ITPR2: variants seen among roughly 807,000 people sequenced by gnomAD.
The protein encoded by ITPR2 is inositol 1,4,5-trisphosphate receptor type 2, also known as inositol 1,4,5-trisphosphate-gated calcium channel ITPR2.
Under a neutral mutation model 317.1 loss-of-function variants are expected in ITPR2, and 207 were observed. That is an observed-to-expected ratio of 0.65 (90% CI 0.58 to 0.73). The LOEUF is 0.73. ITPR2 is among the 30% of genes least tolerant of loss of function. ITPR2 has a pLI of 0.00. For missense variants in ITPR2, 2,613 were observed against 3,284.0 expected, an observed-to-expected ratio of 0.80 and a Z score of 4.99; for synonymous variants, 1,156 against 1,149.1, an observed-to-expected ratio of 1.01 and a Z score of -0.12.
intron 1 of ITPR2, among the ~76,000 whole-genome samples, chr12:26,796,564 G>A (rs541174170): frequency 1.7e-4 from 26 of 152,132 alleles, no homozygotes; most frequent in Admixed American, 1.6e-3. Flanking sequence ...AGTTGAACAC[G>A]GGCATGCCCT....
At chr12:26,445,744 G>A (rs2136745820) in intron 45 of ITPR2, among the ~76,000 whole-genome samples, 1 of 152,240 alleles carries the variant, frequency 6.6e-6, no homozygotes. Flanking sequence ...AAAAGAATGG[G>A]AGGTGAGGAA....
chr12:26,801,194 C>G (rs1276597891), intron 1 of ITPR2: 1 of 157,472 alleles, frequency 6.4e-6, no homozygotes, highest in Non-Finnish European at 1.4e-5. Context: ...CTGACCAAGG[C>G]ATGGACGTGG....
At chr12:26,460,234 C>A (rs1265946334) in intron 45 of ITPR2, among the ~76,000 whole-genome samples, 2 of 152,190 alleles carry the variant, frequency 1.3e-5, no homozygotes, top group Admixed American at 1.3e-4. Flanking sequence ...GGCACCCTAG[C>A]TATTCTGGCC....
chr12:26,476,944 T>C lies in ITPR2; in HGVS notation c.6187A>G (p.Arg2063Gly), dbSNP rs1193865844. ...ESRHDSENAE[R>G]ILFNMRPREL... is the part of the protein sequence containing the mutation. ...CTGGGTCTCATGTTAAAAAGAATTC[T>C]TTCTGCATTCTCACTGTCATGTCTG... The change falls in exon 44 of 57, where the codon AGA (arginine) becomes GGA (glycine). Residue 2063 changes from arginine to glycine, a missense_variant. Physicochemically the swap from Arg to Gly is moderately radical, Grantham distance 125 (BLOSUM62 -2). This residue lies in a region of ITPR2 where 926 missense variants were observed against 1,072.8 expected (regional missense o/e 0.86). Coordinates refer to ENST00000381340, the MANE Select transcript of ITPR2 (RefSeq NM_002223.4). The C allele has an allele frequency of 6.2e-7, 1 of 1,613,376 alleles. No homozygotes were observed. The highest frequency in any genetic ancestry group is 2.2e-5 in the East Asian group (1 of 44,846).
In ITPR2 at chr12:26,826,091, C is replaced by T. The variant is rs1434520958; in HGVS notation, c.92+6599G>A. On this transcript the variant is annotated intron_variant, in intron 1 of 56. Coordinates refer to ENST00000381340, the MANE Select transcript of ITPR2 (RefSeq NM_002223.4). ...AACCATTCCAAGCTTCATGTACAAA[C>T]TCCCCACTGATCAAAAAGTCCTATT... is the stretch of plus-strand genomic sequence containing the variant. Among the ~76,000 whole-genome samples the T allele has an allele frequency of 2.0e-5, 3 of 152,084 alleles. 1 individual carries two copies. The highest frequency in any genetic ancestry group is 7.2e-5 in the African/African-American group (3 of 41,422).
intron 50 of ITPR2, among the ~76,000 whole-genome samples, chr12:26,417,438 G>C (rs1940754796): frequency 6.6e-6 from 1 of 152,176 alleles, no homozygotes; most frequent in African/African-American, 2.4e-5. Flanking sequence ...TGTGTCAAGG[G>C]AAGGACCTGG....
intron 32 of ITPR2, among the ~76,000 whole-genome samples, chr12:26,595,210 AACAG>A (rs1450487194): frequency 2.0e-4 from 31 of 152,356 alleles, no homozygotes; most frequent in African/African-American, 7.0e-4. Context: ...TCCATTTAAT[AACAG>A]ACAAACACAG....
chr12:26,462,614 T>G (rs1942064053), intron 45 of ITPR2, among the ~76,000 whole-genome samples: 1 of 152,050 alleles, frequency 6.6e-6, no homozygotes, highest in African/African-American at 2.4e-5. Context: ...CTGTCCTAGC[T>G]CATACTTCCT....
chr12:26,490,600 G>A (rs1305307721), intron 39 of ITPR2, among the ~76,000 whole-genome samples: 1 of 152,152 alleles, frequency 6.6e-6, no homozygotes, highest in Non-Finnish European at 1.5e-5. Flanking sequence ...ATCACCTGAG[G>A]TCAGGAGTTG....
At chr12:26,554,811 T>C (rs1003279435) in intron 36 of ITPR2, among the ~76,000 whole-genome samples, 1 of 152,156 alleles carries the variant, frequency 6.6e-6, no homozygotes, top group African/African-American at 2.4e-5. Flanking sequence ...TTTAGATCTG[T>C]AATGGGTACA....
rs900975958 is a variant in ITPR2, at chr12:26,494,855, CAT to C, written c.5182+295_5182+296del. 1.3e-4 allele frequency among the ~76,000 whole-genome samples: 19 copies of C among 145,040 alleles called. No individual in the cohort carries two copies. In the South Asian group the frequency reaches 1.8e-3, roughly 14 times the overall value. ...AGAACTCTTTATTAAATGTTTGACA[CAT>C]GTGATTAAATGTTTTTCTTAAAAAC... is the stretch of plus-strand genomic sequence containing the variant. On this transcript the variant is annotated intron_variant, in intron 38 of 56. Transcript: ENST00000381340.
Position 26,832,707 on chromosome 12 carries a change from G to A in ITPR2, c.75C>T (p.Gly25=), listed in dbSNP as rs181236465. ...VSLYAEGSVN[G]FISTLGLVDD... ...CCGCTTACCCCAAGGTGCTGATGAA[G>A]CCGTTGACCGAGCCCTCCGCGTACA... The change falls in exon 1 of 57, where the codon GGC becomes GGT. Residue 25 remains glycine (G), a synonymous_variant. Transcript: ENST00000381340. The A allele has an allele frequency of 2.6e-4, 424 of 1,600,278 alleles. No individual in the cohort carries two copies. In the African/African-American group the frequency reaches 4.0e-3, roughly 15 times the overall value.
intron 44 of ITPR2, 91 bp downstream of exon 44, chr12:26,476,821 A>T (rs1339010018): frequency 2.1e-5 from 16 of 755,414 alleles, no homozygotes; most frequent in Non-Finnish European, 3.4e-5. Flanking sequence ...GAGCAATGAA[A>T]ATCAATCAAC....
At chr12:26,440,730 G>A (rs1016723807) in intron 46 of ITPR2, among the ~76,000 whole-genome samples, 1 of 151,892 alleles carries the variant, frequency 6.6e-6, no homozygotes, top group African/African-American at 2.4e-5. Flanking sequence ...GGGAAAAAAG[G>A]TTTACTTGAT....
At chr12:26,461,852 T>C (rs1163260771) in intron 45 of ITPR2, among the ~76,000 whole-genome samples, 2 of 151,742 alleles carry the variant, frequency 1.3e-5, no homozygotes, top group African/African-American at 4.8e-5. Flanking sequence ...TTCAGAATTT[T>C]CCCCTACCAT....
chr12:26,386,106 TATA>T (rs574759856), intron 55 of ITPR2, among the ~76,000 whole-genome samples: 211 of 152,278 alleles, frequency 1.4e-3, no homozygotes, highest in African/African-American at 4.8e-3. Flanking sequence ...CCATTTTAAA[TATA>T]ATGTTTTACA....
intron 49 of ITPR2, among the ~76,000 whole-genome samples, chr12:26,420,719 T>C (rs1237064325): frequency 1.3e-5 from 2 of 152,182 alleles, no homozygotes; most frequent in Non-Finnish European, 2.9e-5. Context: ...GCATAATGAA[T>C]GTATTTATAT....
chr12:26,715,494 G>A (rs1294958394), intron 7 of ITPR2, 49 bp from the exon 8 acceptor site: 2 of 1,554,312 alleles, frequency 1.3e-6, no homozygotes, highest in African/African-American at 1.4e-5. Context: ...TGAGAAGCAG[G>A]TGTCTCTTTC....
intron 43 of ITPR2, among the ~76,000 whole-genome samples, chr12:26,478,509 G>T (rs747364301): frequency 6.6e-6 from 1 of 152,070 alleles, no homozygotes; most frequent in Admixed American, 6.6e-5. Flanking sequence ...CCTACCCTCA[G>T]CAGGCCCAAT....
Sources: allele counts gnomAD v4.1 joint callset (sites outside exome capture counted in the v4.1 genomes callset), GRCh38; gene constraint gnomAD v4.1.1; regional missense constraint gnomAD v4.1.1; transcripts MANE v1.5; gene names NCBI Gene and HGNC (gene_info 2026-07-23, HGNC 2026-07-21).